The following ZNF507 variants were observed in gnomAD, a reference collection of about 807,000 sequenced individuals.
The protein encoded by ZNF507 is zinc finger protein 507.
Under a neutral mutation model 80.0 loss-of-function variants are expected in ZNF507, and 29 were observed. The ratio of observed to expected loss-of-function variants is 0.36; its 90% CI spans 0.27 to 0.49. ZNF507 has a LOEUF of 0.49. Among genes scored for constraint, ZNF507 ranks in the 20% least tolerant of loss-of-function variants. The pLI is 0.98. For missense variants in ZNF507, 1,081 were observed against 1,152.2 expected (o/e 0.94, Z 0.90); for synonymous variants, 462 against 422.5 (o/e 1.09, Z -1.15).
chr19:32,383,133 A>T lies in ZNF507; in HGVS notation c.*50A>T. On this transcript the variant is annotated 3_prime_UTR_variant, in exon 7 of 7. Coordinates refer to ENST00000355898, the MANE Select transcript of ZNF507 (RefSeq NM_001136156.2). ...AGCAGTAGAAGAGGATTCCTTCACCACAGTTTCACCTTTACGCTGTCAGAC... is the reference window on the plus strand; with the variant it reads ...AGCAGTAGAAGAGGATTCCTTCACCTCAGTTTCACCTTTACGCTGTCAGAC... The T allele has an allele frequency of 6.4e-7, 1 of 1,570,874 alleles. No individual in the cohort carries two copies. The highest frequency in any genetic ancestry group is 8.6e-7 in the Non-Finnish European group (1 of 1,156,418).
At position 32,353,605 on chromosome 19, in the gene ZNF507, C is replaced by T; in HGVS notation, c.775C>T (p.Gln259Ter). ...CTTGTTTTGTAGTTATACTTGTGGCCAGCAGAGAATGTTGAAAACACACGC... is the reference window on the plus strand; with the variant it reads ...CTTGTTTTGTAGTTATACTTGTGGCTAGCAGAGAATGTTGAAAACACACGC... ...RCLFCSYTCG[Q>*]QRMLKTHAWK... is the part of the protein sequence containing the mutation. Residue 259 changes from glutamine (Q) to a stop codon, truncating the protein, a stop_gained, in exon 3 of 7, where the codon CAG (glutamine) becomes TAG (stop). Transcript: ENST00000355898. LOFTEE classifies it high-confidence loss of function. 1 of 1,614,176 alleles carries T rather than the reference C, an allele frequency of 6.2e-7. No homozygotes were observed. The highest frequency in any genetic ancestry group is 8.5e-7 in the Non-Finnish European group (1 of 1,180,030).
At chr19:32,351,155 T>C (rs561071831) in intron 2 of ZNF507, among the ~76,000 whole-genome samples, 27 of 152,112 alleles carry the variant, frequency 1.8e-4, no homozygotes, top group African/African-American at 6.5e-4. Flanking sequence ...GTAGCTGTCA[T>C]TGTTGGAATG....
chr19:32,355,213 G>C (rs1967236169), intron 3 of ZNF507, among the ~76,000 whole-genome samples: 1 of 152,170 alleles, frequency 6.6e-6, no homozygotes, highest in Non-Finnish European at 1.5e-5. Context: ...AGTTTAAAGT[G>C]TTGATTTTCT....
At chr19:32,373,126 A>C (rs961372577) in intron 5 of ZNF507, among the ~76,000 whole-genome samples, 1 of 152,208 alleles carries the variant, frequency 6.6e-6, no homozygotes, top group Non-Finnish European at 1.5e-5. Context: ...CGTATTCACA[A>C]GGCCTCTGCC....
rs57164942 is a variant in ZNF507 at position 32,374,188 on chromosome 19, A to ACACACACACTCT, written c.2361-8278_2361-8277insACACACACTCTC. On this transcript the variant is annotated intron_variant, in intron 5 of 6. Coordinates refer to ENST00000355898, the MANE Select transcript of ZNF507 (RefSeq NM_001136156.2). ...GCAAGGAACACACACACACACACAC[A>ACACACACACTCT]CTCTCTCTCTCTTTCTCTCACTCAT... is the stretch of plus-strand genomic sequence containing the variant. Among the ~76,000 whole-genome samples, 8 of 145,840 alleles carry ACACACACACTCT rather than the reference A, an allele frequency of 5.5e-5. 1 individual carries two copies. Among genetic ancestry groups the ACACACACACTCT allele is most frequent in the African/African-American group, 2.0e-4 (8 of 39,576 alleles).
intron 5 of ZNF507, among the ~76,000 whole-genome samples, chr19:32,374,474 C>CTTTTTTTTTTTTTTTTTTTTTTTT (rs58648987): frequency 7.2e-6 from 1 of 138,162 alleles, no homozygotes. Context: ...GCTTTTCTTT[C>CTTTTTTTTTTTTTTTTTTTTTTTT]TTTTTTTTTT....
Position 32,385,312 on chromosome 19 carries a change from A to G in ZNF507, c.*2229A>G, listed in dbSNP as rs1174309331. 6.6e-6 allele frequency: 1 copy of G among 151,496 alleles called. No homozygotes were observed. The highest frequency in any genetic ancestry group is 2.4e-5 in the African/African-American group (1 of 41,410). The allele number at this position is 151,496 out of a possible 1,614,324, so 9.4% of individuals were successfully genotyped here. ...ACTAACCCAGAAGTTCAAAGCCTTT[A>G]AAGTTTCATCTGATTCTGGCCTTAG... is the stretch of plus-strand genomic sequence containing the variant. On this transcript the variant is annotated 3_prime_UTR_variant, in exon 7 of 7. Transcript: ENST00000355898.
In ZNF507 at chr19:32,353,891, T is replaced by C. The variant is rs529298750; in HGVS notation, c.1061T>C (p.Leu354Pro). ...RGVHLSQSVTLDPNEEEMLEV... is the reference protein window; with the variant it reads ...RGVHLSQSVTPDPNEEEMLEV... ...GTACACCTAAGTCAGTCAGTTACCC[T>C]GGACCCCAATGAGGAAGAAATGCTA... Residue 354 changes from leucine (L) to proline (P), a missense_variant, in exon 3 of 7, where the codon CTG (leucine) becomes CCG (proline). Transcript: ENST00000355898. The C allele has an allele frequency of 6.2e-7, 1 of 1,614,142 alleles. No homozygotes were observed. The highest frequency in any genetic ancestry group is 1.3e-5 in the African/African-American group (1 of 75,044).
chr19:32,363,726 A>G (rs1967360618), intron 5 of ZNF507, among the ~76,000 whole-genome samples: 1 of 152,216 alleles, frequency 6.6e-6, no homozygotes, highest in Non-Finnish European at 1.5e-5. Context: ...TCAATAATTC[A>G]TTATCTAACC....
At chr19:32,356,553 C>A in intron 3 of ZNF507, 63 bp from the exon 4 acceptor site, 3 of 1,180,296 alleles carry the variant, frequency 2.5e-6, no homozygotes, top group Non-Finnish European at 3.7e-6. Context: ...TGTTCTTCTA[C>A]AGCCTCCTAA....
rs778804739 is a variant in ZNF507 at position 32,382,921 on chromosome 19, C to T, written c.2700C>T (p.Ala900=). 7 of 1,614,054 alleles carry T rather than the reference C, an allele frequency of 4.3e-6. No homozygotes were observed. In the Admixed American group the frequency reaches 8.3e-5, roughly 19 times the overall value. The change falls in exon 7 of 7, where the codon GCC becomes GCT. Residue 900 remains alanine (A), a synonymous_variant. Coordinates refer to ENST00000355898, the MANE Select transcript of ZNF507 (RefSeq NM_001136156.2). The part of the protein sequence containing the change: ...SYSLEKISSL[A]PPSMEYCVLL... The stretch of plus-strand genomic sequence containing the variant: ...GTTTAGAAAAAATCTCCAGTCTGGC[C>T]CCTCCTAGCATGGAGTACTGCGTTT...
At position 32,384,911 on chromosome 19, in the gene ZNF507, C is replaced by T. The variant is rs1967669046; in HGVS notation, c.*1828C>T. 6.6e-6 allele frequency: 1 copy of T among 151,968 alleles called. No individual in the cohort carries two copies. Among genetic ancestry groups the T allele is most frequent in the Non-Finnish European group, 1.5e-5 (1 of 67,990 alleles). 9.4% of individuals were successfully genotyped at this position (151,968 alleles called of 1,614,324 possible). A position where few individuals can be genotyped will look rare whatever the true frequency, so the allele number is the denominator to read the frequency against. ...CTGTATGTGGACTTATATTCATTTT[C>T]TCCTTTTTTCGGAATTGAAACATTT... is the stretch of plus-strand genomic sequence containing the variant. On this transcript the variant is annotated 3_prime_UTR_variant, in exon 7 of 7. Transcript: ENST00000355898.
rs550150054 is a variant in ZNF507 at position 32,353,190 on chromosome 19, G to A, written c.360G>A (p.Gly120=). The change falls in exon 3 of 7, where the codon GGG becomes GGA. Residue 120 remains glycine, a synonymous_variant. Transcript: ENST00000355898. ...FTPDTLAQNE[G]KAMSYQCSLC... is the part of the protein sequence containing the mutation. ...CTGACACTCTTGCCCAGAATGAAGG[G>A]AAGGCTATGTCTTATCAGTGTAGCC... is the stretch of plus-strand genomic sequence containing the variant. 6.2e-7 allele frequency: 1 copy of A among 1,614,164 alleles called. No homozygotes were observed. The highest frequency in any genetic ancestry group is 8.5e-7 in the Non-Finnish European group (1 of 1,180,016).
intron 1 of ZNF507, among the ~76,000 whole-genome samples, chr19:32,346,044 C>G (rs1156423620): frequency 6.6e-6 from 1 of 152,214 alleles, no homozygotes; most frequent in East Asian, 1.9e-4. Flanking sequence ...GGCCCGCCCG[C>G]AGGCGTTGCT....
At chr19:32,379,600 T>C (rs1967597693) in intron 5 of ZNF507, among the ~76,000 whole-genome samples, 1 of 152,230 alleles carries the variant, frequency 6.6e-6, no homozygotes, top group Admixed American at 6.5e-5. Context: ...ATAACTTTTC[T>C]ATGTATATAA....
At chr19:32,361,093 G>A (rs1240679997) in intron 5 of ZNF507, among the ~76,000 whole-genome samples, 1 of 152,112 alleles carries the variant, frequency 6.6e-6, no homozygotes, top group South Asian at 2.1e-4. Flanking sequence ...AATTTTCAAT[G>A]CCTTAGAGTT....
intron 2 of ZNF507, among the ~76,000 whole-genome samples, chr19:32,351,527 T>TGCGGGCGG (rs1967166846): frequency 0.011 from 1 of 90 alleles, no homozygotes; most frequent in Non-Finnish European, 0.02. Flanking sequence ...GTGTGTGGCG[T>TGCGGGCGG]GGGGGCGGGC....
At position 32,346,049 on chromosome 19, in the gene ZNF507, G is replaced by T. The variant is rs565891046; in HGVS notation, c.-97+266G>T. 5.3e-5 allele frequency among the ~76,000 whole-genome samples: 8 copies of T among 152,338 alleles called. No homozygotes were observed. In the East Asian group the frequency reaches 1.5e-3, roughly 29 times the overall value. ...TCACCAGCCCGGCCCGCCCGCAGGC[G>T]TTGCTTCCTTCTCCAGGCGTTGCTT... is the stretch of plus-strand genomic sequence containing the variant. On this transcript the variant is annotated intron_variant, in intron 1 of 6. Transcript: ENST00000355898.
intron 5 of ZNF507, among the ~76,000 whole-genome samples, chr19:32,364,545 C>G (rs1465002559): frequency 6.6e-6 from 1 of 152,144 alleles, no homozygotes; most frequent in Non-Finnish European, 1.5e-5. Context: ...CCTTTGCGTC[C>G]TCATAGCTTA....
Sources: gnomAD v4.1 joint callset for allele counts (sites outside exome capture counted in the v4.1 genomes callset) on GRCh38, gnomAD v4.1.1 for gene constraint, MANE v1.5 for transcripts, NCBI Gene and HGNC (gene_info 2026-07-23, HGNC 2026-07-21) for gene names.